The following SNED1 variants were observed in gnomAD, a reference collection of about 807,000 sequenced individuals.
SNED1 encodes the protein sushi, nidogen and EGF like domains 1.
SNED1 carries 81 observed loss-of-function variants against 166.7 expected under a neutral mutation model. The ratio of observed to expected loss-of-function variants is 0.49; its 90% CI spans 0.41 to 0.58. The LOEUF is 0.58. SNED1 is among the 20% of genes least tolerant of loss of function. The pLI is 0.00. For synonymous variants in SNED1, 762 were observed against 822.0 expected (o/e 0.93, Z 1.25); for missense variants, 1,604 against 2,000.2 (o/e 0.80, Z 3.78).
In SNED1 at chr2:241,064,071, G is replaced by T. The variant is rs756476840; in HGVS notation, c.2545G>T (p.Gly849Trp). ...QHGGRCESGG[G>W]AYLCVCPESF... The stretch of plus-strand genomic sequence containing the variant: ...TGGAGGCCGGTGTGAGAGCGGCGGC[G>T]GGGCCTACCTGTGCGTCTGCCCAGA... The change falls in exon 19 of 32, where the codon GGG becomes TGG. Residue 849 changes from glycine (G) to tryptophan (W), a missense_variant. By Grantham distance (184) the Gly-to-Trp change is radical (BLOSUM62 -2). Around this residue, in one of 2 missense-constraint regions of SNED1, gnomAD observed 1,237 missense variants for 1,620.8 expected, o/e 0.76. Transcript: ENST00000310397. This position sits in a 1 kb window ranked among gnomAD's most constrained non-coding sequence, Gnocchi z 7.0. 6.4e-7 allele frequency: 1 copy of T among 1,570,058 alleles called. No individual in the cohort carries two copies. Among genetic ancestry groups the T allele is most frequent in the Non-Finnish European group, 8.6e-7 (1 of 1,158,916 alleles).
chr2:241,088,374 T>C lies in SNED1; in HGVS notation c.4215T>C (p.Ser1405=), dbSNP rs1247165998. ...SLKKTPNRKQ[S]KSQTLEKS is the part of the protein sequence containing the mutation. ...TCTCTAATTATTTCAGGAAACAAAG[T>C]AAGAGTCAGACACTGGAGAAATCTT... Residue 1405 remains serine, a synonymous_variant, in exon 31 of 32, where the codon AGT becomes AGC. Transcript: ENST00000310397. 1.9e-6 allele frequency: 3 copies of C among 1,610,636 alleles called. No individual in the cohort carries two copies. The highest frequency in any genetic ancestry group is 2.5e-6 in the Non-Finnish European group (3 of 1,176,926).
chr2:241,057,383 ATATAT>A (rs1559276068), intron 16 of SNED1, among the ~76,000 whole-genome samples: 848 of 39,504 alleles, frequency 0.021, 4 homozygotes, highest in Middle Eastern at 0.11. Context: ...ATCTCAAAAT[ATATAT>A]ATATATATAT....
In SNED1 at chr2:241,078,394, AAAAAG is replaced by A. The variant is rs528764686; in HGVS notation, c.3917-3279_3917-3275del. 6.9e-3 allele frequency among the ~76,000 whole-genome samples: 1,052 copies of A among 151,452 alleles called. 29 individuals carry two copies. The highest frequency in any genetic ancestry group is 0.022 in the African/African-American group (890 of 40,910). On this transcript the variant is annotated intron_variant, in intron 27 of 31. Coordinates refer to ENST00000310397, the MANE Select transcript of SNED1 (RefSeq NM_001080437.3). ...CTAGACTCCGTCTCAAAAAAAAAAAAAAAAGAAAGAAAGAAAAGAAAGGATAAGCA... is the reference window on the plus strand; with the variant it reads ...CTAGACTCCGTCTCAAAAAAAAAAAAAAAGAAAGAAAAGAAAGGATAAGCA...
chr2:241,060,902 C>T (rs1177115571), intron 16 of SNED1, among the ~76,000 whole-genome samples: 5 of 151,894 alleles, frequency 3.3e-5, no homozygotes, highest in Non-Finnish European at 5.9e-5. Context: ...TGCATTCCAG[C>T]TTGGGGGACA....
At position 240,999,096 on chromosome 2, in the gene SNED1, T is replaced by C; in HGVS notation, c.213+46T>C. 2 of 1,147,334 alleles carry C rather than the reference T, an allele frequency of 1.7e-6. No homozygotes were observed. Among genetic ancestry groups the C allele is most frequent in the Non-Finnish European group, 2.2e-6 (2 of 911,402 alleles). The allele number at this position is 1,147,334 out of a possible 1,614,324, so 71.1% of individuals were successfully genotyped here. A position where few individuals can be genotyped will look rare whatever the true frequency, so the allele number is the denominator to read the frequency against. ...CGGGGCGCCCGGGAGGGGAGGGAGC[T>C]GCGCCCCGGCCGCTGCCCGCCGGGC... is the stretch of plus-strand genomic sequence containing the variant. On this transcript the variant is annotated intron_variant, in intron 1 of 31. Coordinates refer to ENST00000310397, the MANE Select transcript of SNED1 (RefSeq NM_001080437.3). This position sits in a 1 kb window ranked among gnomAD's most constrained non-coding sequence, Gnocchi z 5.8.
intron 2 of SNED1, 26 bp from the exon 3 acceptor site, chr2:241,033,709 C>G (rs758797156): frequency 1.2e-6 from 2 of 1,603,224 alleles, no homozygotes; most frequent in Non-Finnish European, 1.7e-6. Flanking sequence ...AGTGCAGGGC[C>G]CTGTTCAGCC....
intron 1 of SNED1, among the ~76,000 whole-genome samples, chr2:241,016,321 G>T (rs993697180): frequency 3.3e-5 from 5 of 149,546 alleles, no homozygotes; most frequent in Non-Finnish European, 7.4e-5. Context: ...TTAGCCTCCC[G>T]AGTAGCTGGG....
chr2:241,071,160 A>G (rs1172480535), intron 24 of SNED1, among the ~76,000 whole-genome samples: 1 of 152,166 alleles, frequency 6.6e-6, no homozygotes, highest in Non-Finnish European at 1.5e-5. Flanking sequence ...CTCAGGGCAC[A>G]TGCTGGGGTG....
intron 16 of SNED1, among the ~76,000 whole-genome samples, chr2:241,057,778 A>G (rs1227202460): frequency 6.6e-6 from 1 of 152,220 alleles, no homozygotes; most frequent in African/African-American, 2.4e-5. Context: ...ATATATTCTC[A>G]TACAAACACA....
intron 16 of SNED1, among the ~76,000 whole-genome samples, chr2:241,054,161 T>C (rs2061969373): frequency 6.6e-6 from 1 of 152,150 alleles, no homozygotes; most frequent in African/African-American, 2.4e-5. Context: ...CTGACTGTCT[T>C]GGAGATGACC....
intron 6 of SNED1, among the ~76,000 whole-genome samples, chr2:241,038,080 A>T (rs112415050): frequency 8.9e-6 from 1 of 111,854 alleles, no homozygotes; most frequent in Admixed American, 8.1e-5. Context: ...CCCCCCCCCA[A>T]TTCCTGCTCT....
At chr2:241,041,933 A>G (rs1167867586) in intron 8 of SNED1, among the ~76,000 whole-genome samples, 6 of 152,104 alleles carry the variant, frequency 3.9e-5, no homozygotes, top group Non-Finnish European at 7.3e-5. Flanking sequence ...AATCTGTGAA[A>G]CCCTTTTCAG....
intron 1 of SNED1, among the ~76,000 whole-genome samples, chr2:241,012,347 G>A (rs927333091): frequency 2.0e-5 from 3 of 152,126 alleles, no homozygotes; most frequent in African/African-American, 4.8e-5. Flanking sequence ...CAAACGTAAC[G>A]CAAACCCTGG....
At chr2:241,034,797 G>C in intron 4 of SNED1, 67 bp downstream of exon 4, 1 of 1,457,394 alleles carries the variant, frequency 6.9e-7, no homozygotes, top group Non-Finnish European at 9.2e-7. Context: ...GCAGAGGAGA[G>C]GTGGAGACGA....
chr2:241,055,032 G>A (rs924202096), intron 16 of SNED1, among the ~76,000 whole-genome samples: 1 of 152,036 alleles, frequency 6.6e-6, no homozygotes, highest in Admixed American at 6.6e-5. Context: ...CAGGAGAATC[G>A]CTTGAGCCTG....
At chr2:241,025,990 T>A (rs987736567) in intron 1 of SNED1, among the ~76,000 whole-genome samples, 1 of 149,900 alleles carries the variant, frequency 6.7e-6, no homozygotes, top group African/African-American at 2.5e-5. Context: ...TTTGTTGATG[T>A]GGCTTTGTTT....
intron 1 of SNED1, among the ~76,000 whole-genome samples, chr2:241,024,716 G>A (rs2060899830): frequency 6.9e-6 from 1 of 143,986 alleles, no homozygotes; most frequent in Non-Finnish European, 1.5e-5. Flanking sequence ...CTGTTGCCCA[G>A]GCTGGAGTGC....
In SNED1 at chr2:241,070,051, A is replaced by C. The variant is rs2062631346; in HGVS notation, c.3439A>C (p.Lys1147Gln). ...CAATGTGACCACCAGCCAGAGCACC[A>C]AGAGCCGCTATGTCCCCAACGGGAA... ...VINVTTSQST[K>Q]SRYVPNGKLA... Residue 1147 changes from lysine (K) to glutamine (Q), a missense_variant, in exon 24 of 32, where the codon AAG becomes CAG. Transcript: ENST00000310397. 2 of 1,613,050 alleles carry C rather than the reference A, an allele frequency of 1.2e-6. No individual in the cohort carries two copies. Among genetic ancestry groups the C allele is most frequent in the Non-Finnish European group, 1.7e-6 (2 of 1,179,884 alleles).
intron 2 of SNED1, among the ~76,000 whole-genome samples, chr2:241,032,612 T>C (rs2061223333): frequency 6.6e-6 from 1 of 152,160 alleles, no homozygotes; most frequent in South Asian, 2.1e-4. Flanking sequence ...TGTGCACATG[T>C]ACCCTAGAAC....
Sources: allele counts gnomAD v4.1 joint callset (sites outside exome capture counted in the v4.1 genomes callset), GRCh38; gene constraint gnomAD v4.1.1; regional missense constraint gnomAD v4.1.1; non-coding constraint Gnocchi (gnomAD v3.1); transcripts MANE v1.5; gene names NCBI Gene and HGNC (gene_info 2026-07-23, HGNC 2026-07-21).